MCF2L: variants seen among roughly 807,000 people sequenced by gnomAD.
The protein encoded by MCF2L is guanine nucleotide exchange factor DBS.
MCF2L carries 97 observed loss-of-function variants against 153.4 expected under a neutral mutation model. The observed-to-expected ratio is 0.63, with a 90% CI of 0.54 to 0.75. The LOEUF (loss-of-function observed/expected upper bound fraction) is 0.75, where lower values mean the gene tolerates loss of function less well. Ranked by LOEUF, MCF2L falls within the 30% of genes least tolerant of loss-of-function variation. The pLI is 0.00. For missense variants in MCF2L, 1,347 were observed against 1,495.2 expected, an observed-to-expected ratio of 0.90 and a Z score of 1.64; for synonymous variants, 659 against 632.2, an observed-to-expected ratio of 1.04 and a Z score of -0.64.
rs1164670285 is a variant in MCF2L, at chr13:112,916,709, CAGTGGTCCTCCG to C, written c.169+14348_169+14359del. Among the ~76,000 whole-genome samples, 7 of 152,254 alleles carry C rather than the reference CAGTGGTCCTCCG, an allele frequency of 4.6e-5. No individual in the cohort carries two copies. In the East Asian group the frequency reaches 1.2e-3, roughly 25 times the overall value. On this transcript the variant is annotated intron_variant, in intron 2 of 29. Coordinates refer to the MCF2L transcript ENST00000375608. Reference sequence around the variant, plus strand: ...TGTTGATCCTCCAGTCTCTGAGCCACAGTGGTCCTCCGAGTGGTCCTTAGAGTGGTCCTCAGG... The same window carrying C: ...TGTTGATCCTCCAGTCTCTGAGCCACAGTGGTCCTTAGAGTGGTCCTCAGG...
chr13:112,995,575 G>A (rs1424725128), intron 1 of MCF2L, among the ~76,000 whole-genome samples: 2 of 152,200 alleles, frequency 1.3e-5, no homozygotes, highest in African/African-American at 2.4e-5. Flanking sequence ...GGGTGAGCCT[G>A]CGGCGTTGTG....
chr13:113,078,320 G>T, intron 13 of MCF2L, 43 bp from the exon 14 acceptor site: 13 of 1,490,548 alleles, frequency 8.7e-6, no homozygotes, highest in Non-Finnish European at 1.1e-5. Flanking sequence ...CTCTCCAGAG[G>T]GTCAGAGGGG....
chr13:112,916,796 A>G (rs1158373574), intron 2 of MCF2L, among the ~76,000 whole-genome samples: 1 of 151,966 alleles, frequency 6.6e-6, no homozygotes, highest in Non-Finnish European at 1.5e-5. Context: ...CTCGCCCCCA[A>G]GGCCTCTTCC....
chr13:112,959,842 T>C (rs1265900397), intron 2 of MCF2L, among the ~76,000 whole-genome samples: 1 of 152,188 alleles, frequency 6.6e-6, no homozygotes, highest in Non-Finnish European at 1.5e-5. Flanking sequence ...AAACCGAATT[T>C]AGACTATTTG....
intron 2 of MCF2L, among the ~76,000 whole-genome samples, chr13:113,020,448 T>C (rs1054658463): frequency 6.6e-6 from 1 of 152,352 alleles, no homozygotes; most frequent in South Asian, 2.1e-4. Flanking sequence ...CTCAGGCTGC[T>C]TGCTGTGACA....
At chr13:112,937,960 G>T in intron 2 of MCF2L, among the ~76,000 whole-genome samples, 1 of 91,274 alleles carries the variant, frequency 1.1e-5, no homozygotes, top group African/African-American at 4.1e-5. Context: ...TTATTCAGGT[G>T]ATCTCTGAGT....
rs1261461592 is a variant in MCF2L at position 112,943,416 on chromosome 13, G to C, written c.169+41045G>C. Reference sequence around the variant, plus strand: ...CCGGCTCCGCGCCGCAGGCGTGAACGCCCAACGGAGGGCGCCGGCGCCCGG... The same window carrying C: ...CCGGCTCCGCGCCGCAGGCGTGAACCCCCAACGGAGGGCGCCGGCGCCCGG... On this transcript the variant is annotated intron_variant, in intron 2 of 29. Coordinates refer to the MCF2L transcript ENST00000375608. This position sits in a 1 kb window ranked among gnomAD's most constrained non-coding sequence, Gnocchi z 4.2. 5.5e-5 allele frequency among the ~76,000 whole-genome samples: 4 copies of C among 73,262 alleles called. No individual in the cohort carries two copies. The highest frequency in any genetic ancestry group is 1.5e-4 in the Admixed American group (1 of 6,882). 48.1% of individuals were successfully genotyped at this position (73,262 alleles called of 152,430 possible). A position where few individuals can be genotyped will look rare whatever the true frequency, so the allele number is the denominator to read the frequency against.
At chr13:113,060,506 G>T in intron 4 of MCF2L, 87 bp from the exon 5 acceptor site, 2 of 1,532,106 alleles carry the variant, frequency 1.3e-6, no homozygotes, top group South Asian at 1.2e-5. Context: ...GCGCGCCCCC[G>T]GTCAGCCCAG....
chr13:113,095,842 C>T, intron 27 of MCF2L: 2 of 993,118 alleles, frequency 2.0e-6, no homozygotes, highest in Non-Finnish European at 2.4e-6. Context: ...ATCTGTGCAG[C>T]ATCCGCTGTG....
intron 1 of MCF2L, among the ~76,000 whole-genome samples, chr13:112,899,473 A>G (rs2081100245): frequency 6.6e-6 from 1 of 152,180 alleles, no homozygotes; most frequent in African/African-American, 2.4e-5. Flanking sequence ...GGGGCGGGAA[A>G]GTCTGTTTTC....
intron 2 of MCF2L, among the ~76,000 whole-genome samples, chr13:112,959,972 G>A (rs148992533): frequency 6.6e-6 from 1 of 152,232 alleles, no homozygotes; most frequent in African/African-American, 2.4e-5. Flanking sequence ...TCCTGCAGGT[G>A]TGGGGAGAGC....
intron 1 of MCF2L, chr13:112,902,113 A>G: frequency 1.0e-6 from 1 of 986,462 alleles, no homozygotes; most frequent in East Asian, 2.5e-5. Context: ...GGTTGTAACT[A>G]GTTATTTCGG....
At position 113,028,802 on chromosome 13, in the gene MCF2L, G is replaced by A. The variant is rs1160964109; in HGVS notation, c.278+4044G>A. Among the ~76,000 whole-genome samples, 1 of 152,102 alleles carries A rather than the reference G, an allele frequency of 6.6e-6. No homozygotes were observed. Among genetic ancestry groups the A allele is most frequent in the Non-Finnish European group, 1.5e-5 (1 of 67,982 alleles). ...GTGTGGGTGTCTGAGTGTGTGGTGT[G>A]AGTGTGTGTAATGTGAGCCTGTGGT... On this transcript the variant is annotated intron_variant, in intron 3 of 29. Transcript: ENST00000535094. This position sits in a 1 kb window ranked among gnomAD's most constrained non-coding sequence, Gnocchi z 5.4.
chr13:113,077,317 ACACGCCTCCT>A (rs1255256704), intron 13 of MCF2L, 106 bp downstream of exon 13: 5 of 1,283,916 alleles, frequency 3.9e-6, no homozygotes, highest in Non-Finnish European at 5.2e-6. Context: ...AACTGTCTCC[ACACGCCTCCT>A]CCCCTTCCAC....
chr13:113,014,967 T>G, intron 2 of MCF2L, 121 bp downstream of exon 2: 1 of 813,166 alleles, frequency 1.2e-6, no homozygotes, highest in South Asian at 1.5e-5. Flanking sequence ...GGGCTGTGTA[T>G]TCACTGCCTT....
In MCF2L at chr13:112,941,722, A is replaced by G. The variant is rs1379147776; in HGVS notation, c.169+39351A>G. 6.6e-6 allele frequency among the ~76,000 whole-genome samples: 1 copy of G among 152,240 alleles called. No homozygotes were observed. The highest frequency in any genetic ancestry group is 2.4e-5 in the African/African-American group (1 of 41,458). ...TAAAATATATAAAATAAGAATAGTT[A>G]TACTAGATATCGATCTTAGATGTGA... On this transcript the variant is annotated intron_variant, in intron 2 of 29. Coordinates refer to the MCF2L transcript ENST00000375608. This position sits in a 1 kb window ranked among gnomAD's most constrained non-coding sequence, Gnocchi z 4.9.
chr13:113,014,269 A>AC (rs2084366372), intron 1 of MCF2L, among the ~76,000 whole-genome samples: 1 of 151,908 alleles, frequency 6.6e-6, no homozygotes, highest in Admixed American at 6.6e-5. Flanking sequence ...TGTGGCACAG[A>AC]CCCCCGAGGG....
In MCF2L at chr13:113,057,832, G is replaced by A. The variant is rs569729041; in HGVS notation, c.370-2761G>A. ...GTGCTGAGTGTTTGGGCACTGTGTG[G>A]GCGCTGAGTGTTTGGGCGCTGTGTG... is the stretch of plus-strand genomic sequence containing the variant. On this transcript the variant is annotated intron_variant, in intron 4 of 29. Coordinates refer to ENST00000535094, the MANE Select transcript of MCF2L (RefSeq NM_001112732.3). 6.1e-5 allele frequency among the ~76,000 whole-genome samples: 9 copies of A among 147,760 alleles called. No homozygotes were observed. The East Asian group carries it at 1.9e-3, about 30-fold the overall frequency.
rs75491335 is a variant in MCF2L, at chr13:113,014,905, C to T, written c.163+59C>T. 2,430 of 1,522,480 alleles carry T rather than the reference C, an allele frequency of 1.6e-3. 32 individuals are homozygous for T. In the African/African-American group the frequency reaches 0.029, roughly 18 times the overall value. 94.3% of individuals were successfully genotyped at this position (1,522,480 alleles called of 1,614,324 possible). A position where few individuals can be genotyped will look rare whatever the true frequency, so the allele number is the denominator to read the frequency against. On this transcript the variant is annotated intron_variant, in intron 2 of 29. Transcript: ENST00000535094. Reference sequence around the variant, plus strand: ...GAGGGGTCTGGGGCCGGGTGTGGGCCGAGCAGCCCCCGTGGCCTGGCCCAG... The same window carrying T: ...GAGGGGTCTGGGGCCGGGTGTGGGCTGAGCAGCCCCCGTGGCCTGGCCCAG...
Sources: gnomAD v4.1 joint callset for allele counts (sites outside exome capture counted in the v4.1 genomes callset) on GRCh38, gnomAD v4.1.1 for gene constraint, Gnocchi (gnomAD v3.1) non-coding constraint, MANE v1.5 for transcripts, NCBI Gene and HGNC (gene_info 2026-07-23, HGNC 2026-07-21) for gene names.